Variants in CACNA1H observed in about 807,000 individuals in gnomAD.
The protein encoded by CACNA1H is calcium voltage-gated channel subunit alpha1 H, also known as voltage-dependent T-type calcium channel subunit alpha-1H.
Under a neutral mutation model 192.5 loss-of-function variants are expected in CACNA1H, and 149 were observed. The ratio of observed to expected loss-of-function variants is 0.77; its 90% CI spans 0.68 to 0.89. CACNA1H has a LOEUF of 0.89. Among genes scored for constraint, CACNA1H ranks in the 40% least tolerant of loss-of-function variants. The pLI is 0.00. For missense variants in CACNA1H, 4,257 were observed against 3,423.5 expected, an observed-to-expected ratio of 1.24 and a Z score of -6.08; for synonymous variants, 2,202 against 1,475.2, an observed-to-expected ratio of 1.49 and a Z score of -11.29.
In CACNA1H at chr16:1,210,963, G is replaced by C; in HGVS notation, c.4215G>C (p.Arg1405=). The C allele has an allele frequency of 6.3e-7, 1 of 1,595,848 alleles. No homozygotes were observed. Among genetic ancestry groups the C allele is most frequent in the Non-Finnish European group, 8.5e-7 (1 of 1,176,744 alleles). Reference sequence around the variant, plus strand: ...TGCTGCGTCTGCTGCGGACCCTGCGGCCTCTGAGGTGGGGGGCTCCCCGTG... The same window carrying C: ...TGCTGCGTCTGCTGCGGACCCTGCGCCCTCTGAGGTGGGGGGCTCCCCGTG... The part of the protein sequence containing the change: ...LRVLRLLRTL[R]PLRVISRAPG... Residue 1405 remains arginine, a synonymous_variant, in exon 21 of 35, where the codon CGG becomes CGC. Transcript: ENST00000348261.
chr16:1,212,215 C>T, intron 25 of CACNA1H, 77 bp downstream of exon 25: 1 of 1,497,138 alleles, frequency 6.7e-7, no homozygotes, highest in Non-Finnish European at 8.9e-7. Flanking sequence ...CCCTCCACTC[C>T]CGCCCCGGCC....
At chr16:1,156,696 A>G (rs1359749395) in intron 2 of CACNA1H, among the ~76,000 whole-genome samples, 2 of 151,894 alleles carry the variant, frequency 1.3e-5, no homozygotes, top group African/African-American at 2.4e-5. Flanking sequence ...GGGAACCCAC[A>G]CTCAGTAAAG....
intron 2 of CACNA1H, among the ~76,000 whole-genome samples, chr16:1,155,730 G>A (rs1391740612): frequency 6.6e-6 from 1 of 152,148 alleles, no homozygotes; most frequent in Non-Finnish European, 1.5e-5. Flanking sequence ...GCCTGGCCCC[G>A]GTGTTCTGGG....
intron 2 of CACNA1H, among the ~76,000 whole-genome samples, chr16:1,174,735 C>T (rs1013094206): frequency 6.6e-6 from 1 of 152,242 alleles, no homozygotes; most frequent in African/African-American, 2.4e-5. Context: ...CCTTTTCCTG[C>T]TGGCTTCCAA....
chr16:1,190,387 C>T (rs1056559675), intron 2 of CACNA1H, among the ~76,000 whole-genome samples: 1 of 152,252 alleles, frequency 6.6e-6, no homozygotes, highest in Non-Finnish European at 1.5e-5. Context: ...CACTGCCTGT[C>T]CTCAGCTGCC....
At position 1,209,160 on chromosome 16, in the gene CACNA1H, G is replaced by A. The variant is rs1969119273; in HGVS notation, c.3492G>A (p.Glu1164=). The change falls in exon 17 of 35, where the codon GAG becomes GAA. Residue 1164 remains glutamate, a synonymous_variant. Coordinates refer to ENST00000348261, the MANE Select transcript of CACNA1H (RefSeq NM_021098.3). ...LKRRGQCGER[E]SLLSGEGKGS... is the part of the protein sequence containing the mutation. ...GCCGCGGCCAGTGTGGGGAACGTGAGTCCCTGCTGTCTGGCGAGGGCAAGG... is the reference window on the plus strand; with the variant it reads ...GCCGCGGCCAGTGTGGGGAACGTGAATCCCTGCTGTCTGGCGAGGGCAAGG... The A allele has an allele frequency of 2.6e-6, 4 of 1,553,192 alleles. No individual in the cohort carries two copies. The highest frequency in any genetic ancestry group is 3.9e-5 in the Admixed American group (2 of 51,498).
In CACNA1H at chr16:1,208,695, G is replaced by A. The variant is rs1215647457; in HGVS notation, c.3364-337G>A. ...GGGAGTGAGCCAGACGCCCTAGCAGGGGAGGAAGCGGGGCAGCTGTGAGGC... is the reference window on the plus strand; with the variant it reads ...GGGAGTGAGCCAGACGCCCTAGCAGAGGAGGAAGCGGGGCAGCTGTGAGGC... On this transcript the variant is annotated intron_variant, in intron 16 of 34. Coordinates refer to ENST00000348261, the MANE Select transcript of CACNA1H (RefSeq NM_021098.3). 2.6e-5 allele frequency among the ~76,000 whole-genome samples: 4 copies of A among 152,192 alleles called. No individual in the cohort carries two copies. In the East Asian group the frequency reaches 7.7e-4, roughly 29 times the overall value.
At chr16:1,191,928 G>C (rs1966659792) in intron 2 of CACNA1H, among the ~76,000 whole-genome samples, 1 of 152,256 alleles carries the variant, frequency 6.6e-6, no homozygotes, top group Admixed American at 6.5e-5. Context: ...GTCTCTGCGA[G>C]CCGTCACCTG....
intron 2 of CACNA1H, among the ~76,000 whole-genome samples, chr16:1,158,804 G>A (rs899093908): frequency 1.1e-4 from 16 of 152,006 alleles, no homozygotes; most frequent in African/African-American, 3.1e-4. Context: ...CCGCACCCCC[G>A]GCCCCGCAGG....
chr16:1,166,183 A>G (rs530886301), intron 2 of CACNA1H, among the ~76,000 whole-genome samples: 12 of 152,218 alleles, frequency 7.9e-5, no homozygotes, highest in African/African-American at 2.6e-4. Context: ...TGTTGGGGTG[A>G]GGGTGCCTCT....
chr16:1,203,727 C>G (rs536538949), intron 9 of CACNA1H, among the ~76,000 whole-genome samples: 4 of 152,162 alleles, frequency 2.6e-5, no homozygotes, highest in South Asian at 2.1e-4. Flanking sequence ...CACGTCCCTG[C>G]GGTCTCTCTG....
intron 25 of CACNA1H, 107 bp downstream of exon 25, chr16:1,212,245 G>A (rs1042132483): frequency 1.3e-5 from 18 of 1,428,344 alleles, no homozygotes; most frequent in African/African-American, 1.0e-4. Context: ...GGCTCTGCAC[G>A]CCACCCGCCT....
Position 1,196,039 on chromosome 16 carries a change from C to G in CACNA1H, c.643+16C>G, listed in dbSNP as rs200284275. Reference sequence around the variant, plus strand: ...CGCGTGCCTAGTAAGTGACCGGCCCCGACTGGGCTTGAGATCAACAGGCTT... The same window carrying G: ...CGCGTGCCTAGTAAGTGACCGGCCCGGACTGGGCTTGAGATCAACAGGCTT... On this transcript the variant is annotated intron_variant, in intron 5 of 34. Coordinates refer to ENST00000348261, the MANE Select transcript of CACNA1H (RefSeq NM_021098.3). The G allele has an allele frequency of 1.2e-6, 2 of 1,603,108 alleles. No individual in the cohort carries two copies. The highest frequency in any genetic ancestry group is 1.7e-6 in the Non-Finnish European group (2 of 1,171,160).
intron 30 of CACNA1H, 114 bp from the exon 31 acceptor site, chr16:1,216,818 C>T: frequency 2.3e-6 from 2 of 876,606 alleles, no homozygotes; most frequent in Non-Finnish European, 3.7e-6. Context: ...CCCGGAGCAC[C>T]TGGAAGAAGG....
intron 2 of CACNA1H, among the ~76,000 whole-genome samples, chr16:1,184,572 G>A (rs114421942): frequency 0.035 from 5,294 of 152,346 alleles, 275 homozygotes; most frequent in African/African-American, 0.12. Flanking sequence ...CTGCCCTCTC[G>A]TAGGCATCCA....
intron 2 of CACNA1H, among the ~76,000 whole-genome samples, chr16:1,172,110 C>A (rs1291517813): frequency 6.6e-6 from 1 of 152,154 alleles, no homozygotes; most frequent in Admixed American, 6.5e-5. Flanking sequence ...CGGGATGATG[C>A]TGGGGTGGAC....
rs58212659 is a variant in CACNA1H, at chr16:1,204,152, C to T, written c.2145C>T (p.Ser715=). The change falls in exon 10 of 35, where the codon AGC becomes AGT. Residue 715 remains serine, a synonymous_variant. Transcript: ENST00000348261. ...TGGAGGACCCGGAGGGTGAGCTCAG[C>T]GGCTCGGAAAGTGGAGACTCAGATG... The part of the protein sequence containing the change: ...RALEDPEGEL[S]GSESGDSDGR... 4.8e-4 allele frequency: 772 copies of T among 1,612,336 alleles called. 2 individuals are homozygous for T. In the African/African-American group the frequency reaches 7.9e-3, roughly 16 times the overall value.
At chr16:1,159,839 T>C (rs1962949753) in intron 2 of CACNA1H, 1 of 152,442 alleles carries the variant, frequency 6.6e-6, no homozygotes, top group Non-Finnish European at 1.5e-5. Context: ...GCACCCGAAC[T>C]TCATTCTTGC....
At chr16:1,205,374 G>C in intron 11 of CACNA1H, 109 bp downstream of exon 11, 6 of 1,219,286 alleles carry the variant, frequency 4.9e-6, no homozygotes, top group Non-Finnish European at 6.9e-6. Context: ...TACGACGATA[G>C]CTCTTTATGA....
Sources: allele counts gnomAD v4.1 joint callset (sites outside exome capture counted in the v4.1 genomes callset), GRCh38; gene constraint gnomAD v4.1.1; transcripts MANE v1.5; gene names NCBI Gene and HGNC (gene_info 2026-07-23, HGNC 2026-07-21).